RDH13: variants seen among roughly 807,000 people sequenced by gnomAD.
RDH13 encodes retinol dehydrogenase 13 (all-trans and 9-cis).
Under a neutral mutation model 28.3 loss-of-function variants are expected in RDH13, and 35 were observed. The observed-to-expected ratio is 1.24, with a 90% CI of 0.95 to 1.64. The LOEUF (loss-of-function observed/expected upper bound fraction) is 1.64. Among genes scored for constraint, RDH13 ranks in the 40% most tolerant of loss-of-function variants. The probability of loss-of-function intolerance (pLI) is 0.00; values close to 1 mark genes in which losing one functional copy is unlikely to be tolerated. For synonymous variants in RDH13, 229 were observed against 198.5 expected (o/e 1.15, Z -1.29); for missense variants, 514 against 446.3 (o/e 1.15, Z -1.37).
Position 55,056,571 on chromosome 19 carries a change from G to A in RDH13, c.340+82C>T, listed in dbSNP as rs114184798. ...TTGCCAAAACTCTGCTCTAAAGTTT[G>A]CTTGCTTCATTCACTTCTCAGAGCC... On this transcript the variant is annotated intron_variant, in intron 3 of 6. Coordinates refer to ENST00000415061, the MANE Select transcript of RDH13 (RefSeq NM_001145971.2). The A allele has an allele frequency of 8.3e-4, 1,256 of 1,514,026 alleles. 14 individuals are homozygous for A. The African/African-American group carries it at 0.014, about 17-fold the overall frequency. 93.8% of individuals were successfully genotyped at this position (1,514,026 alleles called of 1,614,324 possible).
chr19:55,042,800 A>G (rs2075076251), downstream of RDH13: 1 of 152,120 alleles, frequency 6.6e-6, no homozygotes, highest in African/African-American at 2.4e-5. Context: ...GTTTCTCCAG[A>G]TTGTCTCCAT....
chr19:55,067,020 G>T (rs1357083208), upstream of RDH13, among the ~76,000 whole-genome samples: 1 of 152,160 alleles, frequency 6.6e-6, no homozygotes, highest in Non-Finnish European at 1.5e-5. Flanking sequence ...TATGATCCTT[G>T]TCTGAAGCCA....
Position 55,057,412 on chromosome 19 carries a change from G to A in RDH13, c.185-604C>T, listed in dbSNP as rs1005092551. On this transcript the variant is annotated intron_variant, in intron 2 of 6. Coordinates refer to ENST00000415061, the MANE Select transcript of RDH13 (RefSeq NM_001145971.2). ...AATTCCAGCACTTTGGGAGGCCAAG[G>A]CAAGAGGATTCCCCATCCTCTCCTT... Among the ~76,000 whole-genome samples, 3 of 149,780 alleles carry A rather than the reference G, an allele frequency of 2.0e-5. No individual in the cohort carries two copies. In the South Asian group the frequency reaches 6.4e-4, roughly 32 times the overall value.
intron 3 of RDH13, chr19:55,053,728 G>A (rs1030234446): frequency 6.6e-6 from 1 of 151,852 alleles, no homozygotes; most frequent in African/African-American, 2.4e-5. Context: ...GAAGAGGAAC[G>A]TGTGGCTAAG....
chr19:55,051,461 C>T (rs974730678), intron 3 of RDH13, among the ~76,000 whole-genome samples: 1 of 151,536 alleles, frequency 6.6e-6, no homozygotes, highest in African/African-American at 2.4e-5. Context: ...TCTCACTCTG[C>T]CACCCAGGCT....
downstream of RDH13, chr19:55,041,140 T>C (rs995654470): frequency 6.6e-6 from 1 of 152,102 alleles, no homozygotes; most frequent in Non-Finnish European, 1.5e-5. Flanking sequence ...TAAATAAAAA[T>C]AAAACATTTG....
chr19:55,053,421 C>T (rs1454173905), intron 3 of RDH13, among the ~76,000 whole-genome samples: 2 of 151,978 alleles, frequency 1.3e-5, no homozygotes, highest in Admixed American at 6.6e-5. Flanking sequence ...TTTGGGAGGC[C>T]GAGGTGGCTG....
chr19:55,043,403 G>A (rs545750107), downstream of RDH13, among the ~76,000 whole-genome samples: 2 of 152,054 alleles, frequency 1.3e-5, no homozygotes, highest in East Asian at 3.9e-4. Context: ...AGCAAAAAGG[G>A]CTGGGTGCAC....
upstream of RDH13, among the ~76,000 whole-genome samples, chr19:55,066,444 CCTCTCTCTCCCTCT>C (rs903939226): frequency 2.3e-5 from 1 of 43,060 alleles, no homozygotes; most frequent in African/African-American, 1.8e-4. Flanking sequence ...GTCTTCTCTC[CCTCTCTCTCCCTCT>C]CTCTTCCTCT....
intron 6 of RDH13, chr19:55,047,046 A>G: frequency 1.0e-6 from 1 of 954,420 alleles, no homozygotes; most frequent in East Asian, 3.9e-5. Flanking sequence ...AAACAGGCTC[A>G]GAGGGGTAAC....
downstream of RDH13, among the ~76,000 whole-genome samples, chr19:55,043,552 C>A (rs969186010): frequency 1.3e-5 from 2 of 151,772 alleles, no homozygotes; most frequent in African/African-American, 2.4e-5. Flanking sequence ...CCTGTAATCC[C>A]AGCTACTCGG....
In RDH13 at chr19:55,063,127, A is replaced by T. The variant is rs1041728237; in HGVS notation, c.-95T>A. ...AGCTCCGAGGAAGAGCGCGCGACGC[A>T]GCCACAGGCGAGCGGAGGCGCAGGC... On this transcript the variant is annotated 5_prime_UTR_variant, in exon 1 of 7. Transcript: ENST00000415061. The T allele has an allele frequency of 2.6e-6, 3 of 1,157,862 alleles. No individual in the cohort carries two copies. The African/African-American group carries it at 4.8e-5, about 18-fold the overall frequency. 71.7% of individuals were successfully genotyped at this position (1,157,862 alleles called of 1,614,324 possible).
At chr19:55,063,294 T>A (rs2075871285), upstream of RDH13, 1 of 385,700 alleles carries the variant, frequency 2.6e-6, no homozygotes, top group East Asian at 3.8e-5. Flanking sequence ...CCTGTGGGCG[T>A]GGCTAGTCCG....
At chr19:55,056,886 G>A (rs1047759502) in intron 2 of RDH13, 78 bp from the exon 3 acceptor site, 10 of 1,275,674 alleles carry the variant, frequency 7.8e-6, no homozygotes, top group South Asian at 6.9e-5. Flanking sequence ...GAAAACATAC[G>A]TCTACACAAA....
intron 6 of RDH13, chr19:55,047,112 AC>A: frequency 7.3e-7 from 1 of 1,364,826 alleles, no homozygotes; most frequent in South Asian, 1.8e-5. Context: ...TACCCTGAGT[AC>A]AGCCTGACTC....
chr19:55,047,515 A>AG (rs917973028), intron 5 of RDH13, 27 bp from the exon 6 acceptor site: 29 of 1,588,610 alleles, frequency 1.8e-5, no homozygotes, highest in Non-Finnish European at 2.2e-5. Flanking sequence ...GAGAAGACTG[A>AG]GGGAGGGGTC....
At position 55,048,369 on chromosome 19, in the gene RDH13, G is replaced by A; in HGVS notation, c.618C>T (p.Ala206=). 2 of 1,614,194 alleles carry A rather than the reference G, an allele frequency of 1.2e-6. No individual in the cohort carries two copies. Among genetic ancestry groups the A allele is most frequent in the Non-Finnish European group, 1.7e-6 (2 of 1,180,048 alleles). ...TCAGCTCCTTGGTGAAGAGGACGAT[G>A]GCGAGCTTGCTCTGGCAGTAGGCGG... is the stretch of plus-strand genomic sequence containing the variant. ...TKAAYCQSKL[A]IVLFTKELSR... Residue 206 remains alanine (A), a synonymous_variant, in exon 5 of 7, where the codon GCC becomes GCT. Coordinates refer to ENST00000415061, the MANE Select transcript of RDH13 (RefSeq NM_001145971.2).
At chr19:55,047,611 G>A (rs948192841) in intron 5 of RDH13, 123 bp from the exon 6 acceptor site, 12 of 1,429,040 alleles carry the variant, frequency 8.4e-6, no homozygotes, top group Admixed American at 2.5e-5. Flanking sequence ...AAACCCCATC[G>A]TCCCTCTTGC....
In RDH13 at chr19:55,045,089, C is replaced by G. The variant is rs757034857; in HGVS notation, c.981G>C (p.Gln327His). 29 of 1,604,474 alleles carry G rather than the reference C, an allele frequency of 1.8e-5. No homozygotes were observed. Among genetic ancestry groups the G allele is most frequent in the Non-Finnish European group, 2.5e-5 (29 of 1,175,388 alleles). Residue 327 changes from glutamine to histidine, a missense_variant, in exon 7 of 7, where the codon CAG (glutamine) becomes CAC (histidine). Gln to His is a conservative substitution (Grantham distance 24). Coordinates refer to ENST00000415061, the MANE Select transcript of RDH13 (RefSeq NM_001145971.2). Reference protein sequence around the residue: ...VGLEAPSVREQPLPR With the variant: ...VGLEAPSVREHPLPR ...GCTCCAGAGGTTATCTGGGGAGGGG[C>G]TGCTCCCTCACAGAGGGAGCCTCTA...
Sources: gnomAD v4.1 joint callset for allele counts (sites outside exome capture counted in the v4.1 genomes callset) on GRCh38, gnomAD v4.1.1 for gene constraint, MANE v1.5 for transcripts, NCBI Gene and HGNC (gene_info 2026-07-23, HGNC 2026-07-21) for gene names.